The following FRMPD1 variants were observed in gnomAD, a reference collection of about 807,000 sequenced individuals.
FRMPD1 encodes the protein FERM and PDZ domain-containing protein 1.
Under a neutral mutation model 117.8 loss-of-function variants are expected in FRMPD1, and 76 were observed. That is an observed-to-expected ratio of 0.65 (90% CI 0.54 to 0.78). The LOEUF is 0.78. Ranked by LOEUF, FRMPD1 falls within the 30% of genes least tolerant of loss-of-function variation. The pLI is 0.00. For missense variants in FRMPD1, 1,786 were observed against 1,964.5 expected (o/e 0.91, Z 1.72); for synonymous variants, 783 against 770.4 (o/e 1.02, Z -0.27).
chr9:37,714,084 G>A (rs1177695476), intron 5 of FRMPD1, among the ~76,000 whole-genome samples: 5 of 152,202 alleles, frequency 3.3e-5, no homozygotes, highest in African/African-American at 9.7e-5. Context: ...CCATAAATAT[G>A]TCAGACCAAG....
intron 6 of FRMPD1, among the ~76,000 whole-genome samples, chr9:37,720,468 T>C (rs779763135): frequency 6.6e-6 from 1 of 152,018 alleles, no homozygotes; most frequent in Admixed American, 6.5e-5. Context: ...ATCGAGACCA[T>C]CCTGGCTAAC....
In FRMPD1 at chr9:37,735,577, C is replaced by T. The variant is rs1563958203; in HGVS notation, c.1244C>T (p.Ala415Val). Residue 415 changes from alanine (A) to valine (V), a missense_variant, in exon 13 of 16, where the codon GCC becomes GTC. Coordinates refer to ENST00000377765, the MANE Select transcript of FRMPD1 (RefSeq NM_014907.3). ...TTACAGGATAGAGAATCCTACATTG[C>T]CCTTCTAGTTGGAGCCAAGTATGGG... ...LMLQDRESYI[A>V]LLVGAKYGIS... 3.1e-6 allele frequency: 5 copies of T among 1,613,596 alleles called. No individual in the cohort carries two copies. The highest frequency in any genetic ancestry group is 4.2e-6 in the Non-Finnish European group (5 of 1,179,512).
intron 2 of FRMPD1, among the ~76,000 whole-genome samples, chr9:37,699,760 T>G (rs1169759044): frequency 6.6e-6 from 1 of 152,226 alleles, no homozygotes; most frequent in African/African-American, 2.4e-5. Flanking sequence ...AAGATATTTC[T>G]TTTAACTTGT....
At chr9:37,655,253 C>T (rs1363281550) in intron 1 of FRMPD1, among the ~76,000 whole-genome samples, 1 of 152,116 alleles carries the variant, frequency 6.6e-6, no homozygotes, top group Non-Finnish European at 1.5e-5. Flanking sequence ...GTGACCAAGC[C>T]CTGTTATTTT....
At chr9:37,642,431 AT>A in the FRMPD1 span, among the ~76,000 whole-genome samples, 1 of 152,186 alleles carries the variant, frequency 6.6e-6, no homozygotes, top group South Asian at 2.1e-4. Flanking sequence ...CTTTCACTAG[AT>A]TTCTTGGATT....
At chr9:37,620,517 T>TAAAA in the FRMPD1 span, among the ~76,000 whole-genome samples, 1 of 146,300 alleles carries the variant, frequency 6.8e-6, no homozygotes, top group African/African-American at 2.5e-5. Flanking sequence ...CATCATGATT[T>TAAAA]AAAAAAAAAA....
the FRMPD1 span, among the ~76,000 whole-genome samples, chr9:37,645,521 G>A: frequency 6.6e-6 from 1 of 152,064 alleles, no homozygotes; most frequent in East Asian, 1.9e-4. Flanking sequence ...TAAAAAAAAA[G>A]GTAAAAATAG....
chr9:37,626,060 C>T, the FRMPD1 span, among the ~76,000 whole-genome samples: 2 of 152,086 alleles, frequency 1.3e-5, no homozygotes, highest in Non-Finnish European at 2.9e-5. Context: ...GGCGCGGTGG[C>T]TCATGCCTGT....
intron 1 of FRMPD1, chr9:37,662,127 G>A: frequency 6.6e-6 from 1 of 152,194 alleles, no homozygotes; most frequent in East Asian, 1.9e-4. Flanking sequence ...TGGAGGCAGG[G>A]AAGTCCAAAT....
chr9:37,690,692 T>G (rs756018794), intron 1 of FRMPD1, among the ~76,000 whole-genome samples: 1 of 152,162 alleles, frequency 6.6e-6, no homozygotes, highest in African/African-American at 2.4e-5. Context: ...TCTCTAATCT[T>G]TTGCTTGGGA....
Position 37,740,959 on chromosome 9 carries a change from C to T in FRMPD1, c.2356+75C>T. The T allele has an allele frequency of 3.5e-6, 4 of 1,145,020 alleles. No individual in the cohort carries two copies. Among genetic ancestry groups the T allele is most frequent in the Non-Finnish European group, 5.3e-6 (4 of 760,058 alleles). The allele number at this position is 1,145,020 out of a possible 1,614,324, so 70.9% of individuals were successfully genotyped here. On this transcript the variant is annotated intron_variant, in intron 15 of 15. Transcript: ENST00000377765. The surrounding 1 kb of genome is among the most constrained non-coding windows in gnomAD (Gnocchi z 4.2). Reference sequence around the variant, plus strand: ...CCTCCCGGGGATCAAGGCCTGGGGCCAAGCTTGAGAGGAAGGCACATGAGT... The same window carrying T: ...CCTCCCGGGGATCAAGGCCTGGGGCTAAGCTTGAGAGGAAGGCACATGAGT...
chr9:37,697,771 G>A (rs935920011), intron 2 of FRMPD1, among the ~76,000 whole-genome samples: 4 of 152,128 alleles, frequency 2.6e-5, no homozygotes, highest in Non-Finnish European at 5.9e-5. Context: ...TATGACTACA[G>A]AAGTGATAAA....
At chr9:37,620,613 G>C in the FRMPD1 span, among the ~76,000 whole-genome samples, 1 of 152,084 alleles carries the variant, frequency 6.6e-6, no homozygotes, top group African/African-American at 2.4e-5. Flanking sequence ...TGTTCCAGCT[G>C]TCTGGTGGAG....
intron 5 of FRMPD1, among the ~76,000 whole-genome samples, chr9:37,717,284 T>A (rs751620384): frequency 6.8e-6 from 1 of 147,584 alleles, no homozygotes; most frequent in Non-Finnish European, 1.5e-5. Flanking sequence ...TTATCTTGGA[T>A]TTTGCCGAGA....
the FRMPD1 span, among the ~76,000 whole-genome samples, chr9:37,627,843 C>T: frequency 6.6e-6 from 1 of 152,126 alleles, no homozygotes; most frequent in South Asian, 2.1e-4. Context: ...AAATATATAG[C>T]CTATTCAGGC....
intron 1 of FRMPD1, among the ~76,000 whole-genome samples, chr9:37,655,496 CTT>C (rs10615941): frequency 2.4e-4 from 21 of 88,590 alleles, no homozygotes; most frequent in East Asian, 9.8e-4. Flanking sequence ...TGTCCCCACT[CTT>C]TTTTTTTTTT....
At chr9:37,677,136 C>G (rs1444955478) in intron 1 of FRMPD1, among the ~76,000 whole-genome samples, 1 of 152,190 alleles carries the variant, frequency 6.6e-6, no homozygotes, top group Non-Finnish European at 1.5e-5. Context: ...CCATGGCCAG[C>G]AACAAGTCTA....
the FRMPD1 span, among the ~76,000 whole-genome samples, chr9:37,643,552 T>C: frequency 5.3e-5 from 8 of 152,224 alleles, no homozygotes; most frequent in African/African-American, 1.7e-4. Context: ...TTTTGATCAT[T>C]TCTTTCTAGT....
intron 7 of FRMPD1, among the ~76,000 whole-genome samples, chr9:37,727,548 A>G (rs775179772): frequency 6.6e-6 from 1 of 152,076 alleles, no homozygotes; most frequent in Non-Finnish European, 1.5e-5. Flanking sequence ...CATGAGCCCA[A>G]GCTGAGGTAG....
Sources: allele counts gnomAD v4.1 joint callset (sites outside exome capture counted in the v4.1 genomes callset), GRCh38; gene constraint gnomAD v4.1.1; non-coding constraint Gnocchi (gnomAD v3.1); transcripts MANE v1.5; gene names NCBI Gene and HGNC (gene_info 2026-07-23, HGNC 2026-07-21).